Variants in SH3KBP1 observed in about 807,000 individuals in gnomAD.
The protein encoded by SH3KBP1 is SH3 domain containing kinase binding protein 1.
Under a neutral mutation model 50.1 loss-of-function variants are expected in SH3KBP1, and 8 were observed. The observed-to-expected ratio is 0.16, with a 90% CI of 0.09 to 0.29. The LOEUF is 0.29. SH3KBP1 is among the 10% of genes least tolerant of loss of function. SH3KBP1 has a pLI of 1.00. For synonymous variants in SH3KBP1, 227 were observed against 218.6 expected (o/e 1.04, Z -0.34); for missense variants, 377 against 535.2 (o/e 0.70, Z 2.92).
chrX:19,592,738 T>C (rs2066788595), intron 10 of SH3KBP1, among the ~76,000 whole-genome samples: 1 of 112,202 alleles, frequency 8.9e-6, no homozygotes, highest in African/African-American at 3.2e-5. Context: ...GTTTATGCTT[T>C]ATTTGCTGGA....
At chrX:19,637,686 C>A (rs1199440054) in intron 7 of SH3KBP1, among the ~76,000 whole-genome samples, 1 of 111,324 alleles carries the variant, frequency 9.0e-6, no homozygotes, top group East Asian at 2.8e-4. Context: ...CTTCCCAGAC[C>A]TCTTCCCTGC....
chrX:19,558,546 T>C (rs920459829), intron 13 of SH3KBP1, among the ~76,000 whole-genome samples: 5 of 112,092 alleles, frequency 4.5e-5, no homozygotes, highest in Non-Finnish European at 9.4e-5. Flanking sequence ...ATTTTAACAG[T>C]TGGAAATTTT....
chrX:19,840,129 C>G, intron 1 of SH3KBP1, among the ~76,000 whole-genome samples: 1 of 111,866 alleles, frequency 8.9e-6, no homozygotes, highest in East Asian at 2.8e-4. Context: ...AAGAGGAAAC[C>G]TGTGGCTTTG....
At chrX:19,780,582 C>T (rs1293083469) in intron 2 of SH3KBP1, among the ~76,000 whole-genome samples, 2 of 109,359 alleles carry the variant, frequency 1.8e-5, no homozygotes, top group East Asian at 5.7e-4. Context: ...TTAGGTCTAA[C>T]GTTTTAAGTC....
At position 19,874,400 on chromosome X, in the gene SH3KBP1, C is replaced by A. The variant is rs902182924; in HGVS notation, c.4+12907G>T. ...AGAGACAGAAAAGGGGGCTTGGGGG[C>A]AGATGAGAGGATGGGAGAGAGGAGA... On this transcript the variant is annotated intron_variant, in intron 1 of 17. Coordinates refer to ENST00000397821, the MANE Select transcript of SH3KBP1 (RefSeq NM_031892.3). 5.4e-4 allele frequency among the ~76,000 whole-genome samples: 40 copies of A among 73,864 alleles called. 1 individual carries two copies. Among genetic ancestry groups the A allele is most frequent in the Non-Finnish European group, 7.3e-5 (3 of 41,374 alleles). The allele number at this position is 73,864 out of a possible 115,157, so 64.1% of individuals were successfully genotyped here. A position where few individuals can be genotyped will look rare whatever the true frequency, so the allele number is the denominator to read the frequency against.
rs190508681 is a variant in SH3KBP1 at position 19,625,082 on chromosome X, C to T, written c.897+6782G>A. 5.5e-4 allele frequency among the ~76,000 whole-genome samples: 62 copies of T among 112,117 alleles called. 2 individuals are homozygous for T. Among genetic ancestry groups the T allele is most frequent in the Admixed American group, 5.3e-3 (56 of 10,559 alleles). On this transcript the variant is annotated intron_variant, in intron 8 of 17. Transcript: ENST00000397821. ...AGGGCCAGCAATCGATTTAGCTGAT[C>T]GGCTTTCTTCCTGCCAAGCTAAGGA...
intron 1 of SH3KBP1, among the ~76,000 whole-genome samples, chrX:19,852,146 T>C (rs1215972454): frequency 9.0e-6 from 1 of 111,377 alleles, no homozygotes; most frequent in Non-Finnish European, 1.9e-5. Flanking sequence ...AAGACAGCCA[T>C]GCTGTAAGGA....
chrX:19,562,687 A>AG (rs1404046590), intron 13 of SH3KBP1, among the ~76,000 whole-genome samples: 1 of 110,803 alleles, frequency 9.0e-6, no homozygotes, highest in Non-Finnish European at 1.9e-5. Flanking sequence ...CCACATTACC[A>AG]GGGGAGGCAG....
chrX:19,608,341 C>T (rs1300709481), intron 8 of SH3KBP1, among the ~76,000 whole-genome samples: 1 of 96,290 alleles, frequency 1.0e-5, no homozygotes, highest in East Asian at 3.2e-4. Context: ...CAGGGTCTCA[C>T]TCTGTCGCCC....
At chrX:19,536,751 C>G (rs749849418) in intron 17 of SH3KBP1, among the ~76,000 whole-genome samples, 1 of 112,070 alleles carries the variant, frequency 8.9e-6, no homozygotes, top group African/African-American at 3.2e-5. Context: ...GAGGGTAGAG[C>G]AGGCGGTCCT....
At chrX:19,567,625 G>A (rs187357280) in intron 13 of SH3KBP1, among the ~76,000 whole-genome samples, 9 of 92,604 alleles carry the variant, frequency 9.7e-5, no homozygotes, top group African/African-American at 3.8e-4. Flanking sequence ...GAAAATCTGA[G>A]TAAGATTGGT....
At chrX:19,551,548 C>T (rs2065239134) in intron 13 of SH3KBP1, among the ~76,000 whole-genome samples, 1 of 97,195 alleles carries the variant, frequency 1.0e-5, no homozygotes. Context: ...CCCTCCCTCC[C>T]TCTTTTTTTT....
chrX:19,842,805 G>A (rs769796529), intron 1 of SH3KBP1, among the ~76,000 whole-genome samples: 2 of 110,163 alleles, frequency 1.8e-5, no homozygotes, highest in Non-Finnish European at 3.8e-5. Context: ...GGCTGGAGCA[G>A]ATTCCCCCAC....
chrX:19,830,598 T>C (rs926849560), intron 2 of SH3KBP1, among the ~76,000 whole-genome samples: 12 of 100,504 alleles, frequency 1.2e-4, no homozygotes, highest in African/African-American at 4.5e-4. Context: ...CTCTACATAA[T>C]TTTTTTTTTT....
Position 19,740,546 on chromosome X carries a change from G to A in SH3KBP1, c.286+5772C>T, listed in dbSNP as rs746475459. ...CCAGCTCCTTAAGTCAAATAAACAG[G>A]CAATCTTGAAACTCAAAGAAAAGTC... On this transcript the variant is annotated intron_variant, in intron 3 of 17. Transcript: ENST00000397821. Among the ~76,000 whole-genome samples, 138 of 111,844 alleles carry A rather than the reference G, an allele frequency of 1.2e-3. 1 individual carries two copies. Among genetic ancestry groups the A allele is most frequent in the Non-Finnish European group, 2.0e-3 (108 of 53,136 alleles).
At chrX:19,709,910 C>T (rs1263227133) in intron 3 of SH3KBP1, among the ~76,000 whole-genome samples, 1 of 111,562 alleles carries the variant, frequency 9.0e-6, no homozygotes, top group African/African-American at 3.3e-5. Context: ...CTTGACCTTC[C>T]TTAAAGAGGT....
chrX:19,674,364 T>C (rs2062875629), intron 6 of SH3KBP1, among the ~76,000 whole-genome samples: 1 of 112,102 alleles, frequency 8.9e-6, no homozygotes, highest in Admixed American at 9.4e-5. Context: ...CACCCCTTTG[T>C]TCATTTACAT....
At chrX:19,656,778 T>A (rs904589747) in intron 6 of SH3KBP1, among the ~76,000 whole-genome samples, 2 of 112,106 alleles carry the variant, frequency 1.8e-5, no homozygotes, top group African/African-American at 6.5e-5. Context: ...TTTTGAACAG[T>A]TAGCTTCCTG....
intron 4 of SH3KBP1, among the ~76,000 whole-genome samples, chrX:19,703,696 C>CTCTGTGTGTG (rs1459116402): frequency 1.1e-4 from 7 of 63,500 alleles, no homozygotes; most frequent in African/African-American, 3.9e-4. Context: ...AAAAGAGAAA[C>CTCTGTGTGTG]TGTGTGTGTG....
Sources: allele counts gnomAD v4.1 joint callset (sites outside exome capture counted in the v4.1 genomes callset), GRCh38; gene constraint gnomAD v4.1.1; transcripts MANE v1.5; gene names NCBI Gene and HGNC (gene_info 2026-07-23, HGNC 2026-07-21).